PRH1: variants seen among roughly 807,000 people sequenced by gnomAD.
PRH1 encodes proline rich protein HaeIII subfamily 1.
In PRH1, 7 loss-of-function variants were observed where a neutral mutation model predicts 7.9. The observed-to-expected ratio is 0.89, with a 90% CI of 0.50 to 1.67. The LOEUF (loss-of-function observed/expected upper bound fraction) is 1.67, where lower values mean the gene tolerates loss of function less well. Among genes scored for constraint, PRH1 ranks in the 40% most tolerant of loss-of-function variants. PRH1 has a pLI of 0.00. For missense variants in PRH1, 109 were observed against 223.6 expected, an observed-to-expected ratio of 0.49 and a Z score of 3.27; for synonymous variants, 45 against 80.8, an observed-to-expected ratio of 0.56 and a Z score of 2.38.
At chr12:11,137,768 A>T (rs1327177506) in intron 1 of PRH1, among the ~76,000 whole-genome samples, 9 of 152,214 alleles carry the variant, frequency 5.9e-5, no homozygotes, top group African/African-American at 2.2e-4. Context: ...TGATCTTTTT[A>T]AAATTACTTA....
chr12:11,046,227 T>G (rs970060893), intron 1 of PRH1, among the ~76,000 whole-genome samples: 5 of 152,168 alleles, frequency 3.3e-5, no homozygotes, highest in Non-Finnish European at 5.9e-5. Flanking sequence ...GTTTAGGTTT[T>G]CAAGAATAGA....
At chr12:10,935,991 T>C (rs1357680691) in intron 2 of PRH1, among the ~76,000 whole-genome samples, 3 of 152,060 alleles carry the variant, frequency 2.0e-5, no homozygotes, top group African/African-American at 7.2e-5. Flanking sequence ...AACACACCAA[T>C]TCCTACAAGA....
intron 2 of PRH1, among the ~76,000 whole-genome samples, chr12:10,927,836 T>C (rs1950144433): frequency 6.6e-6 from 1 of 152,152 alleles, no homozygotes; most frequent in Non-Finnish European, 1.5e-5. Context: ...AGGTCTGAAA[T>C]GGAAAGTGCA....
intron 2 of PRH1, among the ~76,000 whole-genome samples, chr12:10,903,949 A>AC (rs1949763790): frequency 6.8e-6 from 1 of 147,152 alleles, no homozygotes; most frequent in South Asian, 2.2e-4. Context: ...AAAAAAAAAA[A>AC]AAAAACAACT....
chr12:11,112,497 A>C (rs1408719676), intron 1 of PRH1, among the ~76,000 whole-genome samples: 1 of 152,200 alleles, frequency 6.6e-6, no homozygotes, highest in Non-Finnish European at 1.5e-5. Flanking sequence ...GGCTGGTTCA[A>C]CATATGCAAA....
chr12:10,961,606 T>C, intron 2 of PRH1, among the ~76,000 whole-genome samples: 1 of 143,806 alleles, frequency 7.0e-6, no homozygotes, highest in Non-Finnish European at 1.5e-5. Flanking sequence ...GCCAGCACCT[T>C]GCCTGATCCA....
chr12:10,926,136 A>G (rs1950119472), intron 2 of PRH1, among the ~76,000 whole-genome samples: 1 of 152,224 alleles, frequency 6.6e-6, no homozygotes, highest in African/African-American at 2.4e-5. Flanking sequence ...GTGAAACCAA[A>G]GTTTTTAGAC....
chr12:10,979,880 T>A (rs1200976211), intron 1 of PRH1, among the ~76,000 whole-genome samples: 1 of 152,120 alleles, frequency 6.6e-6, no homozygotes, highest in African/African-American at 2.4e-5. Context: ...AAGTCTGAAG[T>A]CTTCATTAAC....
intron 1 of PRH1, chr12:11,134,128 T>C: frequency 6.2e-7 from 1 of 1,614,144 alleles, no homozygotes; most frequent in East Asian, 2.2e-5. Flanking sequence ...AGGAGATCTT[T>C]TGTCTCTTGA....
intron 1 of PRH1, among the ~76,000 whole-genome samples, chr12:11,135,459 C>T (rs1302251013): frequency 8.2e-6 from 1 of 121,378 alleles, no homozygotes; most frequent in African/African-American, 2.9e-5. Context: ...CTCTAACGAC[C>T]TCCAAGATGC....
intron 1 of PRH1, among the ~76,000 whole-genome samples, chr12:11,020,724 T>C (rs1390191233): frequency 6.8e-6 from 1 of 146,762 alleles, no homozygotes; most frequent in Admixed American, 6.9e-5. Context: ...TTATCTTCTA[T>C]AGTTTCTATA....
intron 2 of PRH1, chr12:10,939,234 T>A (rs1347547605): frequency 7.4e-7 from 1 of 1,349,536 alleles, no homozygotes; most frequent in Non-Finnish European, 1.0e-6. Context: ...CCCCAATGTC[T>A]AATATCACTG....
intron 2 of PRH1, among the ~76,000 whole-genome samples, chr12:10,945,704 T>C (rs577527662): frequency 2.0e-5 from 3 of 152,256 alleles, no homozygotes; most frequent in African/African-American, 7.2e-5. Context: ...TGACCAAAAT[T>C]TATTAGGCAG....
intron 1 of PRH1, among the ~76,000 whole-genome samples, chr12:11,106,590 T>C (rs1349354193): frequency 1.3e-5 from 2 of 152,338 alleles, no homozygotes; most frequent in South Asian, 2.1e-4. Context: ...TCTTCATATA[T>C]GAATATTTGG....
intron 1 of PRH1, among the ~76,000 whole-genome samples, chr12:11,073,626 A>G (rs1300952704): frequency 4.0e-5 from 6 of 151,888 alleles, no homozygotes; most frequent in African/African-American, 1.5e-4. Context: ...CTCTGCCAAA[A>G]CCAGATGGGT....
chr12:11,144,082 G>A (rs1262529859), intron 1 of PRH1, among the ~76,000 whole-genome samples: 1 of 152,162 alleles, frequency 6.6e-6, no homozygotes, highest in African/African-American at 2.4e-5. Context: ...CCAGGAGGTG[G>A]TGCTTTCCAG....
intron 1 of PRH1, among the ~76,000 whole-genome samples, chr12:11,059,910 G>T (rs549724774): frequency 6.6e-6 from 1 of 152,098 alleles, no homozygotes; most frequent in East Asian, 1.9e-4. Context: ...TATTCTTGTT[G>T]CTGGGTTCTA....
intron 1 of PRH1, chr12:11,034,761 A>T (rs1240716608): frequency 6.6e-6 from 1 of 152,426 alleles, no homozygotes; most frequent in African/African-American, 2.4e-5. Flanking sequence ...AAAGTTAGTC[A>T]GGCATAGTGA....
At chr12:11,166,654 C>A (rs765546240) in intron 1 of PRH1, among the ~76,000 whole-genome samples, 1 of 152,348 alleles carries the variant, frequency 6.6e-6, no homozygotes. Flanking sequence ...TCTCCAGTTT[C>A]TATTACTCCA....
Sources: allele counts gnomAD v4.1 joint callset (sites outside exome capture counted in the v4.1 genomes callset), GRCh38; gene constraint gnomAD v4.1.1; transcripts MANE v1.5; gene names NCBI Gene and HGNC (gene_info 2026-07-23, HGNC 2026-07-21).